MED10: variants seen among roughly 807,000 people sequenced by gnomAD.
The protein encoded by MED10 is mediator of RNA polymerase II transcription subunit 10.
In MED10, 9 loss-of-function variants were observed where a neutral mutation model predicts 17.2. The observed-to-expected ratio is 0.52, with a 90% CI of 0.31 to 0.91. The LOEUF is 0.91. MED10 is among the 40% of genes least tolerant of loss of function. The pLI, the probability that MED10 is intolerant of heterozygous loss-of-function variation, is 0.04. For synonymous variants in MED10, 66 were observed against 59.8 expected, an observed-to-expected ratio of 1.10 and a Z score of -0.48; for missense variants, 129 against 164.8, an observed-to-expected ratio of 0.78 and a Z score of 1.19.
At position 6,372,455 on chromosome 5, in the gene MED10, C is replaced by A. The variant is rs555383636; in HGVS notation, c.*48G>T. On this transcript the variant is annotated 3_prime_UTR_variant, in exon 4 of 4. Coordinates refer to ENST00000255764, the MANE Select transcript of MED10 (RefSeq NM_032286.3). ...GTCAGCACTCGCAGTCCCAGCCTCA[C>A]GCCGCATCGCAGTCCCAGGGGATCT... 5.2e-6 allele frequency: 8 copies of A among 1,528,848 alleles called. No homozygotes were observed. In the African/African-American group the frequency reaches 8.2e-5, roughly 16 times the overall value. The allele number at this position is 1,528,848 out of a possible 1,614,324, so 94.7% of individuals were successfully genotyped here.
chr5:6,377,342 G>C, intron 1 of MED10, 93 bp from the exon 2 acceptor site: 2 of 824,272 alleles, frequency 2.4e-6, no homozygotes, highest in Non-Finnish European at 1.9e-6. Context: ...GGGGCTCCAC[G>C]CAAGTTCGTT....
Position 6,378,379 on chromosome 5 carries a change from G to A in MED10, c.105C>T (p.Ala35=). 6 of 1,611,788 alleles carry A rather than the reference G, an allele frequency of 3.7e-6. No homozygotes were observed. Among genetic ancestry groups the A allele is most frequent in the Non-Finnish European group, 5.1e-6 (6 of 1,179,326 alleles). ...CCACTCACAGCTTTTGGTTGAGCCC[G>A]GCCTGGCTGCTGGGCTGGAAGTCAC... ...IVSDFQPSSQ[A]GLNQKLNFIV... The change falls in exon 1 of 4, where the codon GCC becomes GCT. Residue 35 remains alanine, a synonymous_variant. Transcript: ENST00000255764.
At chr5:6,372,750 G>T in intron 3 of MED10, 149 bp from the exon 4 acceptor site, 1 of 611,936 alleles carries the variant, frequency 1.6e-6, no homozygotes. Flanking sequence ...TCTCAGAGAG[G>T]AAATGACACC....
chr5:6,374,335 C>A lies in MED10; in HGVS notation c.298G>T (p.Asp100Tyr), dbSNP rs760995611. ...CCTTAGAGTCTTACCTTCATGGTGT[C>A]GATCTTGCCTTTAACTTGCTCATTT... ...AKNEQVKGKI[D>Y]TMKKFKSLLI... The change falls in exon 3 of 4, where the codon GAC (aspartate) becomes TAC (tyrosine). Residue 100 changes from aspartate to tyrosine, a missense_variant. By Grantham distance (160) the Asp-to-Tyr change is radical. This residue lies in a region of MED10 where 100 missense variants were observed against 121.0 expected (regional missense o/e 0.83). Coordinates refer to ENST00000255764, the MANE Select transcript of MED10 (RefSeq NM_032286.3). 2 of 1,610,648 alleles carry A rather than the reference C, an allele frequency of 1.2e-6. No individual in the cohort carries two copies. The highest frequency in any genetic ancestry group is 1.7e-6 in the Non-Finnish European group (2 of 1,176,966).
intron 3 of MED10, among the ~76,000 whole-genome samples, chr5:6,373,164 T>C (rs535145465): frequency 2.0e-5 from 3 of 152,276 alleles, no homozygotes; most frequent in African/African-American, 7.2e-5. Flanking sequence ...CTGAATGGGA[T>C]TCTGGAAGCC....
intron 1 of MED10, among the ~76,000 whole-genome samples, chr5:6,377,838 G>T (rs111686912): frequency 0.01 from 1,564 of 152,326 alleles, 23 homozygotes; most frequent in African/African-American, 0.036. Context: ...CTGTTGCCAA[G>T]AAATAATAAT....
At chr5:6,377,839 A>AAAG (rs1738030552) in intron 1 of MED10, among the ~76,000 whole-genome samples, 2 of 152,228 alleles carry the variant, frequency 1.3e-5, no homozygotes, top group Non-Finnish European at 2.9e-5. Flanking sequence ...TGTTGCCAAG[A>AAAG]AATAATAATA....
intron 2 of MED10, among the ~76,000 whole-genome samples, chr5:6,375,697 C>T (rs1737974921): frequency 6.6e-6 from 1 of 152,174 alleles, no homozygotes; most frequent in African/African-American, 2.4e-5. Context: ...GCTGCTTTCA[C>T]CTTAGCTAAA....
intron 1 of MED10, 100 bp downstream of exon 1, chr5:6,378,262 C>A (rs567965369): frequency 1.2e-5 from 17 of 1,404,304 alleles, no homozygotes; most frequent in Non-Finnish European, 1.5e-5. Context: ...GCACGAGTAG[C>A]GGTCAGGCTC....
chr5:6,374,043 G>A (rs1200817785), intron 3 of MED10, among the ~76,000 whole-genome samples: 4 of 152,172 alleles, frequency 2.6e-5, no homozygotes, highest in African/African-American at 9.7e-5. Flanking sequence ...TGCAATAAAA[G>A]TGCATCTTAA....
At chr5:6,372,785 C>T (rs964314205) in intron 3 of MED10, among the ~76,000 whole-genome samples, 184 bp from the exon 4 acceptor site, 5 of 152,138 alleles carry the variant, frequency 3.3e-5, no homozygotes, top group Admixed American at 6.5e-5. Context: ...CAAAAGGAAG[C>T]GACACTGCAC....
Position 6,372,522 on chromosome 5 carries a change from T to A in MED10, c.389A>T (p.Glu130Val), listed in dbSNP as rs1477331832. The A allele has an allele frequency of 6.2e-7, 1 of 1,613,706 alleles. No individual in the cohort carries two copies. Among genetic ancestry groups the A allele is most frequent in the Non-Finnish European group, 8.5e-7 (1 of 1,179,782 alleles). Reference protein sequence around the residue: ...DMAKYRSIRGEDHPPS With the variant: ...DMAKYRSIRGVDHPPS Reference sequence around the variant, plus strand: ...AGCTGGTTAAGAAGGCGGGTGATCCTCCCCCCGGATGCTTCGATACTTAGC... The same window carrying A: ...AGCTGGTTAAGAAGGCGGGTGATCCACCCCCCGGATGCTTCGATACTTAGC... The change falls in exon 4 of 4, where the codon GAG becomes GTG. Residue 130 changes from glutamate (E) to valine (V), a missense_variant. By Grantham distance (121) the Glu-to-Val change is moderately radical. Transcript: ENST00000255764.
chr5:6,377,476 T>C (rs1368559963), intron 1 of MED10, among the ~76,000 whole-genome samples: 1 of 152,168 alleles, frequency 6.6e-6, no homozygotes, highest in Admixed American at 6.5e-5. Flanking sequence ...CAACTAGAAA[T>C]TGCCAGTAAG....
intron 2 of MED10, 89 bp downstream of exon 2, chr5:6,377,077 A>G: frequency 3.8e-6 from 3 of 785,334 alleles, no homozygotes; most frequent in Non-Finnish European, 6.0e-6. Context: ...CACAGCAGGC[A>G]CTCGAATGCC....
intron 3 of MED10, among the ~76,000 whole-genome samples, chr5:6,372,880 C>T (rs1349458302): frequency 6.6e-6 from 1 of 152,212 alleles, no homozygotes; most frequent in East Asian, 1.9e-4. Context: ...CTGTAAGCCA[C>T]GTCCCTGGTG....
intron 2 of MED10, chr5:6,376,743 T>C (rs186835970): frequency 6.5e-6 from 1 of 152,696 alleles, no homozygotes; most frequent in African/African-American, 2.4e-5. Context: ...TCAGACCAGC[T>C]TGCTTTTCAG....
intron 2 of MED10, among the ~76,000 whole-genome samples, chr5:6,375,224 A>C (rs905140): frequency 1.3e-5 from 2 of 151,906 alleles, no homozygotes; most frequent in Admixed American, 1.3e-4. Context: ...CAGGCCACCT[A>C]CCTTTTTCTG....
intron 2 of MED10, chr5:6,376,899 G>T: frequency 3.5e-6 from 1 of 284,618 alleles, no homozygotes; most frequent in Non-Finnish European, 6.5e-6. Flanking sequence ...TATTTAATAA[G>T]CTTTTATTTA....
chr5:6,373,516 TAG>T (rs1433949231), intron 3 of MED10, among the ~76,000 whole-genome samples: 1 of 152,154 alleles, frequency 6.6e-6, no homozygotes, highest in East Asian at 1.9e-4. Flanking sequence ...ACTGGAAGGA[TAG>T]AGTCGCTTGT....
Sources: gnomAD v4.1 joint callset for allele counts (sites outside exome capture counted in the v4.1 genomes callset) on GRCh38, gnomAD v4.1.1 for gene constraint, gnomAD v4.1.1 regional missense constraint, MANE v1.5 for transcripts, NCBI Gene and HGNC (gene_info 2026-07-23, HGNC 2026-07-21) for gene names.